ABCA13: variants seen among roughly 807,000 people sequenced by gnomAD.
ABCA13 encodes the protein ATP binding cassette subfamily A member 13, also known as ATP-binding cassette sub-family A member 13.
Under a neutral mutation model 478.7 loss-of-function variants are expected in ABCA13, and 476 were observed. The ratio of observed to expected loss-of-function variants is 0.99; its 90% confidence interval spans 0.92 to 1.07. The LOEUF (loss-of-function observed/expected upper bound fraction) is 1.07. ABCA13 is among the 50% of genes least tolerant of loss of function. The pLI is 0.00. For missense variants in ABCA13, 6,060 were observed against 5,910.6 expected, an observed-to-expected ratio of 1.03 and a Z score of -0.83; for synonymous variants, 2,252 against 2,158.9, an observed-to-expected ratio of 1.04 and a Z score of -1.20.
At chr7:48,254,669 C>T (rs1793119831) in intron 15 of ABCA13, among the ~76,000 whole-genome samples, 1 of 152,050 alleles carries the variant, frequency 6.6e-6, no homozygotes, top group Non-Finnish European at 1.5e-5. Context: ...GGAGGCATAT[C>T]GCTTTAATTC....
At chr7:48,599,805 T>A (rs1375699210) in intron 58 of ABCA13, among the ~76,000 whole-genome samples, 1 of 152,194 alleles carries the variant, frequency 6.6e-6, no homozygotes, top group East Asian at 1.9e-4. Flanking sequence ...GCAGGCTGGA[T>A]TTAGCCAATG....
intron 42 of ABCA13, among the ~76,000 whole-genome samples, chr7:48,440,440 G>A (rs1823426582): frequency 6.6e-6 from 1 of 151,894 alleles, no homozygotes; most frequent in Admixed American, 6.6e-5. Flanking sequence ...TAATTTCTAT[G>A]TAGTAATATT....
intron 1 of ABCA13, among the ~76,000 whole-genome samples, chr7:48,192,344 C>G (rs1419798514): frequency 6.6e-6 from 1 of 151,938 alleles, no homozygotes; most frequent in African/African-American, 2.4e-5. Flanking sequence ...AGATTTTACT[C>G]CAGTAATCTT....
intron 27 of ABCA13, among the ~76,000 whole-genome samples, chr7:48,328,695 G>A (rs1488432866): frequency 6.6e-6 from 1 of 151,768 alleles, no homozygotes; most frequent in African/African-American, 2.4e-5. Flanking sequence ...TAGTGAAATA[G>A]CACATTAGAA....
At chr7:48,209,761 G>A (rs1022352112) in intron 3 of ABCA13, among the ~76,000 whole-genome samples, 5 of 152,008 alleles carry the variant, frequency 3.3e-5, no homozygotes, top group Non-Finnish European at 5.9e-5. Context: ...CTACCAAATC[G>A]ATGTATTGAT....
At chr7:48,615,238 C>A (rs1410899036) in intron 58 of ABCA13, 47 bp from the exon 59 acceptor site, 3 of 1,241,524 alleles carry the variant, frequency 2.4e-6, no homozygotes, top group South Asian at 2.1e-5. Context: ...CTCAACCCTC[C>A]CCTCTTCAGG....
chr7:48,198,133 A>G (rs1798184612), intron 2 of ABCA13, 104 bp from the exon 3 acceptor site: 9 of 1,152,604 alleles, frequency 7.8e-6, no homozygotes, highest in Non-Finnish European at 1.1e-5. Context: ...AGCAAGGTTA[A>G]TAATATAATA....
chr7:48,233,122 C>G (rs1789411973), intron 7 of ABCA13, among the ~76,000 whole-genome samples: 1 of 151,462 alleles, frequency 6.6e-6, no homozygotes, highest in Non-Finnish European at 1.5e-5. Context: ...TCTTTAACAC[C>G]TTCCTGAAGT....
At chr7:48,397,908 C>T (rs964972956) in intron 38 of ABCA13, among the ~76,000 whole-genome samples, 1 of 152,158 alleles carries the variant, frequency 6.6e-6, no homozygotes, top group Non-Finnish European at 1.5e-5. Context: ...CTTCTTTTGT[C>T]CCCCGCTCAG....
chr7:48,381,575 G>T (rs998652677), intron 35 of ABCA13, among the ~76,000 whole-genome samples: 1 of 152,132 alleles, frequency 6.6e-6, no homozygotes, highest in Non-Finnish European at 1.5e-5. Flanking sequence ...AGGTCTCCAC[G>T]CTCGAGTCAA....
intron 1 of ABCA13, among the ~76,000 whole-genome samples, chr7:48,189,129 T>C (rs998366457): frequency 5.9e-5 from 9 of 152,308 alleles, no homozygotes; most frequent in African/African-American, 2.2e-4. Context: ...CTGCTTCTGA[T>C]TGGGTCACTT....
intron 1 of ABCA13, among the ~76,000 whole-genome samples, chr7:48,185,573 T>A (rs996778552): frequency 6.6e-6 from 1 of 152,208 alleles, no homozygotes; most frequent in Admixed American, 6.5e-5. Flanking sequence ...AGTAATGATA[T>A]TAATCTGTTC....
chr7:48,487,322 AAC>A (rs1352458222), intron 47 of ABCA13, among the ~76,000 whole-genome samples: 5 of 107,956 alleles, frequency 4.6e-5, no homozygotes, highest in Middle Eastern at 3.7e-3. Context: ...AAAAAAACAA[AAC>A]AAAACAAAAC....
intron 15 of ABCA13, among the ~76,000 whole-genome samples, chr7:48,264,812 A>C (rs2128730937): frequency 6.6e-6 from 1 of 151,764 alleles, no homozygotes; most frequent in African/African-American, 2.4e-5. Context: ...TTGTTTTCTT[A>C]ATAGATCCTG....
intron 57 of ABCA13, among the ~76,000 whole-genome samples, chr7:48,591,061 T>C (rs1789682888): frequency 6.7e-6 from 1 of 150,122 alleles, no homozygotes; most frequent in South Asian, 2.1e-4. Flanking sequence ...CCAAGACCAA[T>C]GTCAAGGAGC....
At position 48,520,027 on chromosome 7, in the gene ABCA13, T is replaced by C. The variant is rs1337790852; in HGVS notation, c.13798-14T>C. The C allele has an allele frequency of 7.0e-6, 11 of 1,582,310 alleles. No individual in the cohort carries two copies. Among genetic ancestry groups the C allele is most frequent in the Non-Finnish European group, 9.4e-6 (11 of 1,164,166 alleles). On this transcript the variant is annotated splice_polypyrimidine_tract_variant and intron_variant, in intron 52 of 61. Coordinates refer to ENST00000435803, the MANE Select transcript of ABCA13 (RefSeq NM_152701.5). ...GCTTTTAATTGGATTTTTTTTCTTTTTTTCACTGTGCAGAATTTACAGAAT... is the reference window on the plus strand; with the variant it reads ...GCTTTTAATTGGATTTTTTTTCTTTCTTTCACTGTGCAGAATTTACAGAAT...
intron 36 of ABCA13, among the ~76,000 whole-genome samples, chr7:48,388,817 T>C (rs1815593317): frequency 6.6e-6 from 1 of 152,180 alleles, no homozygotes; most frequent in Non-Finnish European, 1.5e-5. Flanking sequence ...TTTTACAAAA[T>C]GGTTATCATA....
intron 3 of ABCA13, among the ~76,000 whole-genome samples, chr7:48,198,577 C>T (rs373552801): frequency 6.6e-6 from 1 of 152,242 alleles, no homozygotes; most frequent in Non-Finnish European, 1.5e-5. Flanking sequence ...GCGGGACTCA[C>T]AGAGTAATAA....
rs1401734004 is a variant in ABCA13 at position 48,234,033 on chromosome 7, T to C, written c.779T>C (p.Leu260Pro). The change falls in exon 8 of 62, where the codon CTG (leucine) becomes CCG (proline). Residue 260 changes from leucine (L) to proline (P), a missense_variant. Physicochemically the swap from Leu to Pro is moderately conservative, Grantham distance 98. This residue lies in a region of ABCA13 where 4,423 missense variants were observed against 4,309.1 expected (regional missense o/e 1.03). Coordinates refer to ENST00000435803, the MANE Select transcript of ABCA13 (RefSeq NM_152701.5). ...GVAVTEPVYH[L>P]SMQNIVWDPQ... ...ATTCCAACAGAGCCAGTTTACCACC[T>C]GTCCATGCAGAATATAGTGTGGGAT... 1 of 1,613,918 alleles carries C rather than the reference T, an allele frequency of 6.2e-7. No individual in the cohort carries two copies. The highest frequency in any genetic ancestry group is 1.7e-5 in the Admixed American group (1 of 60,008).
Sources: gnomAD v4.1 joint callset for allele counts (sites outside exome capture counted in the v4.1 genomes callset) on GRCh38, gnomAD v4.1.1 for gene constraint, gnomAD v4.1.1 regional missense constraint, MANE v1.5 for transcripts, NCBI Gene and HGNC (gene_info 2026-07-23, HGNC 2026-07-21) for gene names.